Variants in CORO2B observed in about 807,000 individuals in gnomAD.
CORO2B encodes the protein coronin 2B, also known as coronin-2B.
In CORO2B, 26 loss-of-function variants were observed where a neutral mutation model predicts 58.8. That is an observed-to-expected ratio of 0.44 (90% confidence interval 0.32 to 0.61). The LOEUF is 0.61. Among genes scored for constraint, CORO2B ranks in the 20% least tolerant of loss-of-function variants. The pLI is 0.04. For synonymous variants in CORO2B, 242 were observed against 253.8 expected (o/e 0.95, Z 0.44); for missense variants, 460 against 645.1 (o/e 0.71, Z 3.11).
At chr15:68,715,527 G>A (rs1036358164) in intron 8 of CORO2B, among the ~76,000 whole-genome samples, 16 of 152,334 alleles carry the variant, frequency 1.1e-4, no homozygotes, top group South Asian at 4.1e-4. Flanking sequence ...CACCATCAGC[G>A]GCAGCTTGCC....
intron 2 of CORO2B, among the ~76,000 whole-genome samples, chr15:68,680,951 C>A (rs967717067): frequency 6.6e-6 from 1 of 152,168 alleles, no homozygotes; most frequent in African/African-American, 2.4e-5. Flanking sequence ...CGGTGGCTCA[C>A]GCCTGTAATA....
chr15:68,568,963 A>G, the CORO2B span, among the ~76,000 whole-genome samples: 3 of 152,220 alleles, frequency 2.0e-5, no homozygotes, highest in Non-Finnish European at 4.4e-5. Context: ...CGTTCTGCAC[A>G]TGTATCCCAG....
chr15:68,584,387 G>A (rs1899502661), intron 1 of CORO2B, among the ~76,000 whole-genome samples: 1 of 152,164 alleles, frequency 6.6e-6, no homozygotes, highest in African/African-American at 2.4e-5. Flanking sequence ...AAGCTGGGAA[G>A]GGTTTGAGGC....
At chr15:68,688,593 T>G (rs138745922) in intron 2 of CORO2B, among the ~76,000 whole-genome samples, 33 of 152,332 alleles carry the variant, frequency 2.2e-4, no homozygotes, top group African/African-American at 7.7e-4. Context: ...GTATAGAACT[T>G]GATTCTGTTT....
At chr15:68,699,951 A>C (rs1470609995) in intron 3 of CORO2B, among the ~76,000 whole-genome samples, 2 of 152,114 alleles carry the variant, frequency 1.3e-5, no homozygotes, top group East Asian at 3.9e-4. Flanking sequence ...TCAGGGTCCA[A>C]CCTGGGTGCT....
At chr15:68,662,400 C>G (rs1222164914) in intron 2 of CORO2B, among the ~76,000 whole-genome samples, 1 of 152,220 alleles carries the variant, frequency 6.6e-6, no homozygotes, top group African/African-American at 2.4e-5. Context: ...GCTGGCATAA[C>G]TCAGGAATAA....
intron 2 of CORO2B, among the ~76,000 whole-genome samples, chr15:68,646,015 C>G (rs1901417953): frequency 6.6e-6 from 1 of 152,062 alleles, no homozygotes; most frequent in Non-Finnish European, 1.5e-5. Flanking sequence ...CTCAGGTGAT[C>G]TGCCCACCTT....
chr15:68,639,514 C>T (rs1425485759), intron 1 of CORO2B, among the ~76,000 whole-genome samples: 1 of 152,226 alleles, frequency 6.6e-6, no homozygotes, highest in Non-Finnish European at 1.5e-5. Context: ...GGAAGGCCCC[C>T]AGCCAGGGTG....
chr15:68,720,534 T>A (rs1254294290), intron 11 of CORO2B, among the ~76,000 whole-genome samples: 1 of 152,198 alleles, frequency 6.6e-6, no homozygotes, highest in African/African-American at 2.4e-5. Flanking sequence ...ATCTGAAGGC[T>A]CAACTTCCAA....
Position 68,719,417 on chromosome 15 carries a change from C to T in CORO2B, c.1176C>T (p.Pro392=), listed in dbSNP as rs766169903. 3.5e-5 allele frequency: 57 copies of T among 1,613,230 alleles called. No homozygotes were observed. Among genetic ancestry groups the T allele is most frequent in the African/African-American group, 6.7e-5 (5 of 74,828 alleles). ...CGTTTCCCTTGCCTTCTTTAGATCC[C>T]GTGCTGATGTCTTTGAAAGAAGGCT... ...DEWLGGINRD[P]VLMSLKEGYK... Residue 392 remains proline, a synonymous_variant, in exon 11 of 12, where the codon CCC becomes CCT. Transcript: ENST00000261861.
the CORO2B span, among the ~76,000 whole-genome samples, chr15:68,524,156 G>A: frequency 1.3e-5 from 2 of 152,022 alleles, no homozygotes; most frequent in Non-Finnish European, 2.9e-5. Context: ...AGCCCAGGAG[G>A]TGGCAGTGAA....
chr15:68,593,244 T>C (rs1565563), intron 1 of CORO2B, among the ~76,000 whole-genome samples: 135,766 of 152,282 alleles, frequency 0.89, 60,616 homozygotes, highest in Middle Eastern at 0.95. Flanking sequence ...TTGGCAGAGA[T>C]ATTCAAACCG....
intron 1 of CORO2B, among the ~76,000 whole-genome samples, chr15:68,581,603 A>G (rs1046467564): frequency 1.3e-5 from 2 of 152,206 alleles, no homozygotes; most frequent in Admixed American, 6.5e-5. Context: ...CTTGGTTCCA[A>G]TGATCTCTAG....
intron 1 of CORO2B, among the ~76,000 whole-genome samples, chr15:68,583,010 G>T (rs764299030): frequency 1.3e-5 from 2 of 152,150 alleles, no homozygotes; most frequent in Admixed American, 6.5e-5. Flanking sequence ...GACCTTTCAT[G>T]CCAACATGCT....
intron 1 of CORO2B, among the ~76,000 whole-genome samples, chr15:68,580,496 G>A (rs1446005279): frequency 6.6e-6 from 1 of 152,156 alleles, no homozygotes; most frequent in African/African-American, 2.4e-5. Flanking sequence ...TCTGCCCCAA[G>A]ACTGAATGTT....
chr15:68,532,155 CT>C, the CORO2B span, among the ~76,000 whole-genome samples: 151 of 151,836 alleles, frequency 9.9e-4, no homozygotes, highest in African/African-American at 3.6e-3. Flanking sequence ...TTGTTTTGTT[CT>C]GTTTGGGACT....
At chr15:68,682,412 AG>A (rs1395451416) in intron 2 of CORO2B, among the ~76,000 whole-genome samples, 13 of 152,052 alleles carry the variant, frequency 8.5e-5, no homozygotes, top group Non-Finnish European at 1.5e-5. Flanking sequence ...AACCCATCAG[AG>A]GCCTCTGGGA....
chr15:68,633,470 C>T (rs1243966868), intron 1 of CORO2B, among the ~76,000 whole-genome samples: 1 of 151,206 alleles, frequency 6.6e-6, no homozygotes, highest in Non-Finnish European at 1.5e-5. Flanking sequence ...GGTGAGGCCC[C>T]TTGAATTGTT....
At chr15:68,682,413 G>A (rs915974500) in intron 2 of CORO2B, among the ~76,000 whole-genome samples, 2 of 152,028 alleles carry the variant, frequency 1.3e-5, no homozygotes, top group African/African-American at 4.8e-5. Context: ...ACCCATCAGA[G>A]GCCTCTGGGA....
Sources: gnomAD v4.1 joint callset for allele counts (sites outside exome capture counted in the v4.1 genomes callset) on GRCh38, gnomAD v4.1.1 for gene constraint, MANE v1.5 for transcripts, NCBI Gene and HGNC (gene_info 2026-07-23, HGNC 2026-07-21) for gene names.